Variants in C20orf96 observed in about 807,000 individuals in gnomAD.
C20orf96 encodes the protein chromosome 20 open reading frame 96.
In C20orf96, 57 loss-of-function variants were observed where a neutral mutation model predicts 52.6. The observed-to-expected ratio is 1.08, with a 90% CI of 0.88 to 1.35. C20orf96 has a LOEUF of 1.35. Among genes scored for constraint, C20orf96 ranks in the 40% most tolerant of loss-of-function variants. C20orf96 has a pLI of 0.00. For missense variants in C20orf96, 478 were observed against 443.6 expected (o/e 1.08, Z -0.70); for synonymous variants, 168 against 157.2 (o/e 1.07, Z -0.51).
At chr20:287,496 C>T (rs2012417323) in intron 3 of C20orf96, among the ~76,000 whole-genome samples, 1 of 152,160 alleles carries the variant, frequency 6.6e-6, no homozygotes, top group African/African-American at 2.4e-5. Context: ...GTCTTTTTCC[C>T]ATTGCCTAAC....
intron 4 of C20orf96, among the ~76,000 whole-genome samples, chr20:283,631 A>T (rs13433243): frequency 1.3e-5 from 2 of 151,982 alleles, no homozygotes; most frequent in African/African-American, 4.8e-5. Context: ...AAGATAAATA[A>T]GCCACTAGAT....
chr20:276,495 A>C (rs73572416), intron 9 of C20orf96: 1 of 985,324 alleles, frequency 1.0e-6, no homozygotes, highest in Non-Finnish European at 1.2e-6. Context: ...CAGTAACAAG[A>C]ATCAAGGGGT....
Position 290,636 on chromosome 20 carries a change from A to G in C20orf96, c.-26T>C. ...TGGGGAAAATGGAAGAGAAGTTGCG[A>G]GTCTGTGAGACCCTGATCTTCTGGT... On this transcript the variant is annotated 5_prime_UTR_variant, in exon 1 of 11. Coordinates refer to ENST00000360321, the MANE Select transcript of C20orf96 (RefSeq NM_153269.3). 1 of 1,604,646 alleles carries G rather than the reference A, an allele frequency of 6.2e-7. No homozygotes were observed. The highest frequency in any genetic ancestry group is 8.5e-7 in the Non-Finnish European group (1 of 1,178,600).
intron 1 of C20orf96, 28 bp downstream of exon 1, chr20:290,563 A>G: frequency 4.6e-6 from 6 of 1,309,058 alleles, no homozygotes; most frequent in East Asian, 2.6e-5. Context: ...CTTTCTTCCA[A>G]TTTTTTTTTT....
At chr20:289,231 T>C (rs2012473690) in intron 3 of C20orf96, among the ~76,000 whole-genome samples, 1 of 145,896 alleles carries the variant, frequency 6.9e-6, no homozygotes, top group African/African-American at 2.5e-5. Context: ...TAATTGTCCA[T>C]GTTCTTGTTC....
At chr20:278,469 T>C in intron 5 of C20orf96, 40 bp from the exon 6 acceptor site, 1 of 1,540,766 alleles carries the variant, frequency 6.5e-7, no homozygotes, top group Non-Finnish European at 9.0e-7. Context: ...CAGGCTCTGC[T>C]GGCTCTCAGA....
chr20:289,440 G>T (rs59153605), intron 3 of C20orf96, 119 bp downstream of exon 3: 5 of 699,430 alleles, frequency 7.1e-6, no homozygotes, highest in African/African-American at 5.3e-5. Context: ...CTTGCAATTT[G>T]GGCATTGTTT....
chr20:278,075 C>A (rs1483477953), intron 6 of C20orf96, among the ~76,000 whole-genome samples: 1 of 152,220 alleles, frequency 6.6e-6, no homozygotes, highest in Admixed American at 6.5e-5. Flanking sequence ...AGCTTCCCTG[C>A]CTCCAAGTAG....
chr20:279,141 A>G (rs781016795), intron 5 of C20orf96, 31 bp downstream of exon 5: 1 of 1,459,856 alleles, frequency 6.8e-7, no homozygotes, highest in Non-Finnish European at 9.0e-7. Flanking sequence ...GGACGGAGGG[A>G]CGGAGGGCGG....
At chr20:273,910 G>A (rs1481243125) in intron 10 of C20orf96, among the ~76,000 whole-genome samples, 2 of 70,934 alleles carry the variant, frequency 2.8e-5, no homozygotes, top group Non-Finnish European at 5.5e-5. Flanking sequence ...AGGAAGGGAG[G>A]GAGGGAGGGA....
chr20:279,441 G>A, intron 4 of C20orf96, 111 bp from the exon 5 acceptor site: 3 of 1,227,040 alleles, frequency 2.4e-6, no homozygotes, highest in Non-Finnish European at 2.1e-6. Flanking sequence ...CCCCCGTGCG[G>A]CCTCCTGCTG....
chr20:277,715 A>G (rs951933653), intron 6 of C20orf96, among the ~76,000 whole-genome samples: 3 of 152,178 alleles, frequency 2.0e-5, no homozygotes, highest in African/African-American at 7.2e-5. Context: ...ACACTCAAGG[A>G]AGTGAGACCA....
intron 3 of C20orf96, among the ~76,000 whole-genome samples, chr20:288,254 C>A (rs1489747226): frequency 1.6e-4 from 23 of 139,576 alleles, no homozygotes; most frequent in African/African-American, 5.6e-4. Context: ...TCTTCCTCCA[C>A]TGAATTGTTT....
At chr20:282,215 C>T (rs2012271207) in intron 4 of C20orf96, among the ~76,000 whole-genome samples, 1 of 152,172 alleles carries the variant, frequency 6.6e-6, no homozygotes, top group Non-Finnish European at 1.5e-5. Context: ...AGCACCTAAA[C>T]AATTACTGCC....
intron 4 of C20orf96, among the ~76,000 whole-genome samples, chr20:281,579 T>G (rs1159701297): frequency 6.6e-6 from 1 of 152,258 alleles, no homozygotes; most frequent in East Asian, 1.9e-4. Flanking sequence ...ATGTGCTGAG[T>G]GCTTGCCATG....
chr20:271,994 C>T (rs1391354808), intron 10 of C20orf96, among the ~76,000 whole-genome samples: 1 of 152,070 alleles, frequency 6.6e-6, no homozygotes, highest in Non-Finnish European at 1.5e-5. Flanking sequence ...GGAGACCATC[C>T]TCTCTCATGG....
chr20:288,174 CTTTTTTT>C lies in C20orf96; in HGVS notation c.187+1378_187+1384del, dbSNP rs1237648367. Among the ~76,000 whole-genome samples, 116 of 66,054 alleles carry C rather than the reference CTTTTTTT, an allele frequency of 1.8e-3. 2 individuals carry two copies. The highest frequency in any genetic ancestry group is 2.3e-3 in the Non-Finnish European group (79 of 35,034). 43.3% of individuals were successfully genotyped at this position (66,054 alleles called of 152,430 possible). ...AAATCATTTCTTTCTTTTTCTTTTT[CTTTTTTT>C]TTTTTTTTTTTTTTTTGCCTATGGG... is the stretch of plus-strand genomic sequence containing the variant. On this transcript the variant is annotated intron_variant, in intron 3 of 10. Transcript: ENST00000360321.
intron 10 of C20orf96, among the ~76,000 whole-genome samples, 172 bp from the exon 11 acceptor site, chr20:271,439 A>AGCAT (rs2011833202): frequency 7.2e-6 from 1 of 139,494 alleles, no homozygotes; most frequent in Admixed American, 6.9e-5. Context: ...TGCATACACA[A>AGCAT]GCATACACAC....
At position 276,099 on chromosome 20, in the gene C20orf96, G is replaced by C. The variant is rs773509328; in HGVS notation, c.913-13C>G. 3 of 1,612,574 alleles carry C rather than the reference G, an allele frequency of 1.9e-6. No individual in the cohort carries two copies. The highest frequency in any genetic ancestry group is 2.5e-6 in the Non-Finnish European group (3 of 1,179,920). ...ACTGGTCAATAATCTGAGAGGAAAGGCACAGCAGGGGAGAAGGGAGAGGCA... is the reference window on the plus strand; with the variant it reads ...ACTGGTCAATAATCTGAGAGGAAAGCCACAGCAGGGGAGAAGGGAGAGGCA... On this transcript the variant is annotated splice_polypyrimidine_tract_variant and intron_variant, in intron 9 of 10. Transcript: ENST00000360321.
Sources: allele counts gnomAD v4.1 joint callset (sites outside exome capture counted in the v4.1 genomes callset), GRCh38; gene constraint gnomAD v4.1.1; transcripts MANE v1.5; gene names NCBI Gene and HGNC (gene_info 2026-07-23, HGNC 2026-07-21).